Variants in TOP3A observed in about 807,000 individuals in gnomAD.
TOP3A encodes DNA topoisomerase III alpha, also known as DNA topoisomerase 3-alpha.
TOP3A carries 64 observed loss-of-function variants against 111.3 expected under a neutral mutation model. The ratio of observed to expected loss-of-function variants is 0.57; its 90% CI spans 0.47 to 0.71. The LOEUF (loss-of-function observed/expected upper bound fraction) is 0.71, where lower values mean the gene tolerates loss of function less well. Ranked by LOEUF, TOP3A falls within the 30% of genes least tolerant of loss-of-function variation. The pLI, the probability that TOP3A is intolerant of heterozygous loss-of-function variation, is 0.00. For synonymous variants in TOP3A, 484 were observed against 485.1 expected, an observed-to-expected ratio of 1.00 and a Z score of 0.03; for missense variants, 1,104 against 1,285.0, an observed-to-expected ratio of 0.86 and a Z score of 2.15.
rs374090350 is a variant in TOP3A, at chr17:18,278,089, C to T, written c.2413G>A (p.Ala805Thr). ...CAGGTCACAGAATTGCTTTCACCAG[C>T]AGCCGTGGGTGGTGGGAGGGTCTGG... is the stretch of plus-strand genomic sequence containing the variant. The part of the protein sequence containing the change: ...LAQTLPPPTA[A>T]GESNSVTCNC... Residue 805 changes from alanine (A) to threonine (T), a missense_variant, in exon 18 of 19, where the codon GCT (alanine) becomes ACT (threonine). Coordinates refer to ENST00000321105, the MANE Select transcript of TOP3A (RefSeq NM_004618.5). 2.8e-5 allele frequency: 46 copies of T among 1,614,116 alleles called. 1 individual carries two copies. The highest frequency in any genetic ancestry group is 3.7e-5 in the Non-Finnish European group (44 of 1,180,064).
chr17:18,311,222 A>C (rs753045247), intron 1 of TOP3A, among the ~76,000 whole-genome samples: 2 of 151,932 alleles, frequency 1.3e-5, no homozygotes, highest in Non-Finnish European at 2.9e-5. Context: ...GGATGGTCTC[A>C]ATCTCTTGAC....
At chr17:18,305,484 A>ACGCGCG (rs780995241) in intron 4 of TOP3A, among the ~76,000 whole-genome samples, 21 of 147,882 alleles carry the variant, frequency 1.4e-4, no homozygotes, top group Non-Finnish European at 2.8e-4. Flanking sequence ...TAACACACAC[A>ACGCGCG]CACGCGCGCG....
chr17:18,307,822 A>G (rs1981670751), intron 3 of TOP3A, among the ~76,000 whole-genome samples: 1 of 150,300 alleles, frequency 6.7e-6, no homozygotes, highest in African/African-American at 2.5e-5. Context: ...AGGCATGAGA[A>G]TCGCTTGAAC....
At chr17:18,282,905 T>C in intron 15 of TOP3A, 64 bp from the exon 16 acceptor site, 1 of 1,596,860 alleles carries the variant, frequency 6.3e-7, no homozygotes, top group Admixed American at 1.7e-5. Context: ...CCTACAACAC[T>C]CTTACATGCA....
chr17:18,298,013 G>A (rs1206955388), intron 9 of TOP3A, among the ~76,000 whole-genome samples: 11 of 151,758 alleles, frequency 7.2e-5, no homozygotes, highest in African/African-American at 2.7e-4. Context: ...CATCTGGGAA[G>A]TGAGGAGCGT....
chr17:18,273,402 C>T lies in TOP3A; in HGVS notation c.*1400G>A, dbSNP rs1446906684. On this transcript the variant is annotated 3_prime_UTR_variant, in exon 19 of 19. Coordinates refer to ENST00000321105, the MANE Select transcript of TOP3A (RefSeq NM_004618.5). ...GAACCTTTCATTAGACATCTCTGCTCTGAGGGACCATCTGTGGGGTGAGAA... is the reference window on the plus strand; with the variant it reads ...GAACCTTTCATTAGACATCTCTGCTTTGAGGGACCATCTGTGGGGTGAGAA... The T allele has an allele frequency of 6.6e-6, 1 of 152,224 alleles. No individual in the cohort carries two copies. The highest frequency in any genetic ancestry group is 2.4e-5 in the African/African-American group (1 of 41,452). The allele number at this position is 152,224 out of a possible 1,614,324, so 9.4% of individuals were successfully genotyped here.
Position 18,274,667 on chromosome 17 carries a change from A to G in TOP3A, c.*135T>C. 1 of 1,425,222 alleles carries G rather than the reference A, an allele frequency of 7.0e-7. No individual in the cohort carries two copies. Among genetic ancestry groups the G allele is most frequent in the South Asian group, 1.5e-5 (1 of 66,542 alleles). 88.3% of individuals were successfully genotyped at this position (1,425,222 alleles called of 1,614,324 possible). ...TGGACCTTGTGCCCCTTAACACAAG[A>G]AGGCCCGACTCCAAAGGCCAACACT... On this transcript the variant is annotated 3_prime_UTR_variant, in exon 19 of 19. Transcript: ENST00000321105.
chr17:18,276,082 G>A (rs1332942614), intron 18 of TOP3A, among the ~76,000 whole-genome samples: 1 of 152,156 alleles, frequency 6.6e-6, no homozygotes, highest in Non-Finnish European at 1.5e-5. Flanking sequence ...TCTCCCTCAA[G>A]AATCCTAAGC....
At position 18,278,232 on chromosome 17, in the gene TOP3A, G is replaced by T. The variant is rs149596894; in HGVS notation, c.2270C>A (p.Pro757His). 4 of 1,580,298 alleles carry T rather than the reference G, an allele frequency of 2.5e-6. No homozygotes were observed. The highest frequency in any genetic ancestry group is 3.4e-6 in the Non-Finnish European group (4 of 1,161,692). ...ILDLRFSGGP[P>H]RASQPSGRLQ... ...GCGGCCAGAGGGCTGGCTAGCCCTG[G>T]GGGGGCCCCCTGAAAATCTCAGGTC... Residue 757 changes from proline (P) to histidine (H), a missense_variant, in exon 18 of 19, where the codon CCC becomes CAC. Physicochemically the swap from Pro to His is moderately conservative, Grantham distance 77. Transcript: ENST00000321105.
chr17:18,298,229 G>A lies in TOP3A; in HGVS notation c.990+1330C>T, dbSNP rs181516085. Reference sequence around the variant, plus strand: ...AAGTGAGGAGCCCCTCCGCCCAGCAGCCGCGCCGTCTGAGAAGTGAGAAGC... The same window carrying A: ...AAGTGAGGAGCCCCTCCGCCCAGCAACCGCGCCGTCTGAGAAGTGAGAAGC... On this transcript the variant is annotated intron_variant, in intron 9 of 18. Transcript: ENST00000321105. Among the ~76,000 whole-genome samples, 404 of 148,732 alleles carry A rather than the reference G, an allele frequency of 2.7e-3. 5 individuals carry two copies. Among genetic ancestry groups the A allele is most frequent in the African/African-American group, 9.4e-3 (375 of 39,960 alleles).
chr17:18,309,867 G>A (rs1300461287), intron 1 of TOP3A, among the ~76,000 whole-genome samples: 7 of 150,358 alleles, frequency 4.7e-5, no homozygotes, highest in Admixed American at 3.3e-4. Context: ...CTGCCACCAC[G>A]CCCGGCTAAT....
At position 18,307,222 on chromosome 17, in the gene TOP3A, C is replaced by T. The variant is rs1405582422; in HGVS notation, c.315-256G>A. 1.4e-5 allele frequency: 5 copies of T among 353,290 alleles called. No individual in the cohort carries two copies. The East Asian group carries it at 2.2e-4, about 16-fold the overall frequency. The allele number at this position is 353,290 out of a possible 1,614,324, so 21.9% of individuals were successfully genotyped here. A position where few individuals can be genotyped will look rare whatever the true frequency, so the allele number is the denominator to read the frequency against. On this transcript the variant is annotated intron_variant, in intron 3 of 18. Transcript: ENST00000321105. ...CAATGGCTGCATGAAAAAGGTCTGG[C>T]AATTTTGAGGAACACCAAAAGTGAC...
chr17:18,312,076 T>C (rs1981944381), intron 1 of TOP3A: 1 of 152,278 alleles, frequency 6.6e-6, no homozygotes, highest in Admixed American at 6.5e-5. Context: ...CCGCTATAAA[T>C]GGCTGCTGCG....
Position 18,285,492 on chromosome 17 carries a change from G to A in TOP3A, c.1626C>T (p.Ile542=), listed in dbSNP as rs777874588. Residue 542 remains isoleucine (I), a synonymous_variant, in exon 14 of 19, where the codon ATC becomes ATT. Transcript: ENST00000321105. ...CGTACATCCGGGCTTTGATGGTCTC[G>A]ATGTGCTCCGCATGAGTGGCATCCG... is the stretch of plus-strand genomic sequence containing the variant. ...IGTDATHAEH[I]ETIKARMYVG... is the part of the protein sequence containing the mutation. The A allele has an allele frequency of 6.8e-6, 11 of 1,613,946 alleles. No homozygotes were observed. The highest frequency in any genetic ancestry group is 1.7e-5 in the Admixed American group (1 of 59,992).
chr17:18,286,409 A>G (rs560791430), intron 13 of TOP3A, among the ~76,000 whole-genome samples: 2 of 151,908 alleles, frequency 1.3e-5, no homozygotes, highest in Non-Finnish European at 2.9e-5. Flanking sequence ...CCAGCTACTC[A>G]GGAGGCTGAC....
Position 18,285,323 on chromosome 17 carries a change from C to T in TOP3A, c.1712-16G>A, listed in dbSNP as rs748981499. ...GAATCATAACCTGCAGGGAGAGAGT[C>T]GAGCTCAGTGAGGGCCCACCTGAGA... On this transcript the variant is annotated splice_polypyrimidine_tract_variant and intron_variant, in intron 14 of 18. Coordinates refer to ENST00000321105, the MANE Select transcript of TOP3A (RefSeq NM_004618.5). 7 of 1,613,834 alleles carry T rather than the reference C, an allele frequency of 4.3e-6. No individual in the cohort carries two copies. The highest frequency in any genetic ancestry group is 1.6e-4 in the Middle Eastern group (1 of 6,062).
At position 18,277,882 on chromosome 17, in the gene TOP3A, G is replaced by A. The variant is rs1209175511; in HGVS notation, c.2620C>T (p.Pro874Ser). 1.2e-6 allele frequency: 2 copies of A among 1,613,860 alleles called. No individual in the cohort carries two copies. The highest frequency in any genetic ancestry group is 1.7e-6 in the Non-Finnish European group (2 of 1,179,990). The change falls in exon 18 of 19, where the codon CCA becomes TCA. Residue 874 changes from proline (P) to serine (S), a missense_variant. By Grantham distance (74) the Pro-to-Ser change is moderately conservative. Coordinates refer to ENST00000321105, the MANE Select transcript of TOP3A (RefSeq NM_004618.5). ...YRPLGASLGC[P>S]PGPGIHLGGF... ...CCTAGGTGGATCCCTGGGCCTGGTGGGCATCCCAGGGAGGCGCCCAGGGGT... is the reference window on the plus strand; with the variant it reads ...CCTAGGTGGATCCCTGGGCCTGGTGAGCATCCCAGGGAGGCGCCCAGGGGT...
chr17:18,296,756 T>G (rs193083045), intron 9 of TOP3A, among the ~76,000 whole-genome samples: 1 of 152,264 alleles, frequency 6.6e-6, no homozygotes, highest in Admixed American at 6.5e-5. Context: ...ACCTCCAGAG[T>G]GAATTCTAAT....
chr17:18,305,760 C>A (rs1413881177), intron 4 of TOP3A, among the ~76,000 whole-genome samples: 1 of 152,102 alleles, frequency 6.6e-6, no homozygotes. Flanking sequence ...ATGGCATGAA[C>A]CCGGGAGGCG....
Sources: allele counts gnomAD v4.1 joint callset (sites outside exome capture counted in the v4.1 genomes callset), GRCh38; gene constraint gnomAD v4.1.1; transcripts MANE v1.5; gene names NCBI Gene and HGNC (gene_info 2026-07-23, HGNC 2026-07-21).